Variants in COX6C observed in about 807,000 individuals in gnomAD.
The protein encoded by COX6C is cytochrome c oxidase polypeptide VIc.
A neutral mutation model predicts 6.9 loss-of-function variants in COX6C; 3 were observed. The ratio of observed to expected loss-of-function variants is 0.43; its 90% CI spans 0.20 to 1.12. The LOEUF (loss-of-function observed/expected upper bound fraction) is 1.12, where lower values mean the gene tolerates loss of function less well. COX6C is among the 50% of genes most tolerant of loss of function. The probability of loss-of-function intolerance (pLI) is 0.27; values close to 1 mark genes in which losing one functional copy is unlikely to be tolerated. For synonymous variants in COX6C, 32 were observed against 32.0 expected, an observed-to-expected ratio of 1.00 and a Z score of 0.00; for missense variants, 101 against 97.3, an observed-to-expected ratio of 1.04 and a Z score of -0.16.
At chr8:99,893,169 C>T (rs1029630316) in intron 1 of COX6C, 2 of 152,258 alleles carry the variant, frequency 1.3e-5, no homozygotes, top group African/African-American at 4.8e-5. Flanking sequence ...AGTTTTCCAG[C>T]TCTAATTTAA....
intron 2 of COX6C, 144 bp downstream of exon 2, chr8:99,891,764 G>A (rs1818055494): frequency 2.8e-6 from 2 of 709,516 alleles, no homozygotes; most frequent in Non-Finnish European, 4.9e-6. Flanking sequence ...AAAGATGGAG[G>A]ACAAGCTATA....
At chr8:99,886,501 T>C (rs907156422) in intron 3 of COX6C, 3 of 152,150 alleles carry the variant, frequency 2.0e-5, no homozygotes, top group African/African-American at 7.2e-5. Context: ...GATCCAGGAA[T>C]TCCACTTTTG....
intron 3 of COX6C, among the ~76,000 whole-genome samples, chr8:99,880,579 C>T (rs1189813625): frequency 6.6e-6 from 1 of 151,982 alleles, no homozygotes; most frequent in Admixed American, 6.6e-5. Context: ...TTGAAGTTAT[C>T]AAGTCTGAAG....
intron 1 of COX6C, among the ~76,000 whole-genome samples, chr8:99,892,445 C>A (rs891655390): frequency 3.9e-5 from 6 of 152,124 alleles, no homozygotes; most frequent in Admixed American, 3.3e-4. Context: ...GGGTGAGGGG[C>A]GGCACTGAAG....
At chr8:99,883,615 G>A (rs975730856) in intron 3 of COX6C, among the ~76,000 whole-genome samples, 2 of 151,804 alleles carry the variant, frequency 1.3e-5, no homozygotes, top group African/African-American at 2.4e-5. Flanking sequence ...TATGAAACCA[G>A]CACCAATCCT....
At chr8:99,890,776 C>G (rs1011632137) in intron 2 of COX6C, among the ~76,000 whole-genome samples, 1 of 152,122 alleles carries the variant, frequency 6.6e-6, no homozygotes, top group Non-Finnish European at 1.5e-5. Context: ...AAATGTGCAG[C>G]CTTTGATTAA....
intron 2 of COX6C, among the ~76,000 whole-genome samples, chr8:99,890,018 C>T (rs1377812329): frequency 2.0e-5 from 3 of 151,620 alleles, no homozygotes; most frequent in Non-Finnish European, 4.4e-5. Context: ...GGCGTGAACC[C>T]GGGAGGCGGA....
At chr8:99,878,652 A>G (rs902696218) in intron 3 of COX6C, 1 of 147,590 alleles carries the variant, frequency 6.8e-6, no homozygotes, top group Non-Finnish European at 1.5e-5. Flanking sequence ...GTCTCCAAAT[A>G]TGTTCTCTCA....
At chr8:99,884,344 C>A (rs569509429) in intron 3 of COX6C, among the ~76,000 whole-genome samples, 14 of 152,054 alleles carry the variant, frequency 9.2e-5, no homozygotes, top group African/African-American at 3.1e-4. Context: ...AAAGGAATGC[C>A]TAATAAAGGA....
chr8:99,885,429 G>T (rs1490218942), intron 3 of COX6C, among the ~76,000 whole-genome samples: 1 of 152,122 alleles, frequency 6.6e-6, no homozygotes, highest in African/African-American at 2.4e-5. Flanking sequence ...AGATAAAACG[G>T]ACTACTGTAA....
chr8:99,890,856 G>A (rs1199737724), intron 2 of COX6C, among the ~76,000 whole-genome samples: 1 of 152,164 alleles, frequency 6.6e-6, no homozygotes, highest in Non-Finnish European at 1.5e-5. Flanking sequence ...ATTACTCAAG[G>A]TGTCAAACAG....
At chr8:99,886,508 T>C (rs901282350) in intron 3 of COX6C, 1 of 152,196 alleles carries the variant, frequency 6.6e-6, no homozygotes, top group Non-Finnish European at 1.5e-5. Flanking sequence ...GAATTCCACT[T>C]TTGAATATAC....
chr8:99,889,526 C>G (rs1005869899), intron 2 of COX6C, among the ~76,000 whole-genome samples: 2 of 151,938 alleles, frequency 1.3e-5, no homozygotes, highest in Non-Finnish European at 2.9e-5. Context: ...GCTGGGATTA[C>G]AGGTGCCCGA....
intron 2 of COX6C, among the ~76,000 whole-genome samples, chr8:99,889,474 T>C (rs1040508447): frequency 6.6e-6 from 1 of 150,804 alleles, no homozygotes; most frequent in South Asian, 2.1e-4. Context: ...TAACCTCCCC[T>C]TCCTGGGTTC....
At chr8:99,885,200 G>A (rs1018000825) in intron 3 of COX6C, among the ~76,000 whole-genome samples, 1 of 152,156 alleles carries the variant, frequency 6.6e-6, no homozygotes, top group Non-Finnish European at 1.5e-5. Flanking sequence ...AAACAGGTGA[G>A]TACAGTACAG....
Position 99,887,640 on chromosome 8 carries a change from G to C in COX6C, c.115-22C>G, listed in dbSNP as rs764401945. ...GAAACTAAAAAGCAACCATCCATTA[G>C]AGTTTATTTTTCAGATTACTGGAAA... On this transcript the variant is annotated intron_variant, in intron 2 of 3. Coordinates refer to ENST00000520468, the MANE Select transcript of COX6C (RefSeq NM_004374.4). 5 of 1,504,764 alleles carry C rather than the reference G, an allele frequency of 3.3e-6. No homozygotes were observed. In the South Asian group the frequency reaches 6.1e-5, roughly 18 times the overall value. The allele number at this position is 1,504,764 out of a possible 1,614,324, so 93.2% of individuals were successfully genotyped here. A position where few individuals can be genotyped will look rare whatever the true frequency, so the allele number is the denominator to read the frequency against.
At chr8:99,881,122 G>T (rs1817855829) in intron 3 of COX6C, among the ~76,000 whole-genome samples, 1 of 152,202 alleles carries the variant, frequency 6.6e-6, no homozygotes, top group Non-Finnish European at 1.5e-5. Flanking sequence ...GACTTTGGGA[G>T]GCCCAGGCAG....
At chr8:99,880,013 A>G (rs139492275) in intron 3 of COX6C, among the ~76,000 whole-genome samples, 27 of 152,350 alleles carry the variant, frequency 1.8e-4, no homozygotes, top group African/African-American at 6.3e-4. Flanking sequence ...GAAAACTAAG[A>G]AAAACTGAAA....
intron 2 of COX6C, among the ~76,000 whole-genome samples, chr8:99,891,444 G>T (rs561441840): frequency 8.6e-5 from 13 of 151,660 alleles, no homozygotes; most frequent in African/African-American, 2.9e-4. Context: ...TGCAGTCCCA[G>T]GTACCGGGAG....
Sources: gnomAD v4.1 joint callset for allele counts (sites outside exome capture counted in the v4.1 genomes callset) on GRCh38, gnomAD v4.1.1 for gene constraint, MANE v1.5 for transcripts, NCBI Gene and HGNC (gene_info 2026-07-23, HGNC 2026-07-21) for gene names.